The following GSTCD variants were observed in gnomAD, a reference collection of about 807,000 sequenced individuals.
GSTCD encodes the protein glutathione S-transferase C-terminal domain containing.
In GSTCD, 44 loss-of-function variants were observed where a neutral mutation model predicts 68.3. That is an observed-to-expected ratio of 0.64 (90% CI 0.51 to 0.83). The LOEUF is 0.83. Among genes scored for constraint, GSTCD ranks in the 40% least tolerant of loss-of-function variants. The probability of loss-of-function intolerance (pLI) is 0.00; values close to 1 mark genes in which losing one functional copy is unlikely to be tolerated. For synonymous variants in GSTCD, 273 were observed against 255.2 expected, an observed-to-expected ratio of 1.07 and a Z score of -0.67; for missense variants, 739 against 735.9, an observed-to-expected ratio of 1.00 and a Z score of -0.05.
chr4:105,758,274 AT>A (rs1250253243), intron 5 of GSTCD, among the ~76,000 whole-genome samples: 1 of 152,134 alleles, frequency 6.6e-6, no homozygotes, highest in East Asian at 1.9e-4. Context: ...ACTTTTGGTT[AT>A]TCCCCGTGAT....
chr4:105,770,054 C>G (rs1017626347), intron 5 of GSTCD, among the ~76,000 whole-genome samples: 1 of 152,166 alleles, frequency 6.6e-6, no homozygotes, highest in African/African-American at 2.4e-5. Flanking sequence ...CCACCACACC[C>G]GGCCCAGATT....
chr4:105,835,928 G>A (rs1186779857), intron 9 of GSTCD, among the ~76,000 whole-genome samples: 1 of 152,154 alleles, frequency 6.6e-6, no homozygotes, highest in Non-Finnish European at 1.5e-5. Context: ...GACCCACAGA[G>A]GGTAGCTTCT....
At chr4:105,800,753 C>G (rs762912790) in intron 5 of GSTCD, among the ~76,000 whole-genome samples, 11 of 152,136 alleles carry the variant, frequency 7.2e-5, no homozygotes, top group Non-Finnish European at 1.3e-4. Context: ...TATGAAGTCA[C>G]TACAAACACT....
At chr4:105,809,383 G>A (rs144027570) in intron 5 of GSTCD, among the ~76,000 whole-genome samples, 39 of 152,054 alleles carry the variant, frequency 2.6e-4, no homozygotes, top group African/African-American at 8.9e-4. Flanking sequence ...CTGTATACTT[G>A]TTATTCTCTT....
chr4:105,724,817 C>A (rs1732977438), intron 3 of GSTCD, among the ~76,000 whole-genome samples: 2 of 151,980 alleles, frequency 1.3e-5, no homozygotes, highest in Admixed American at 6.6e-5. Flanking sequence ...TATTTTAATT[C>A]TTTCCCCATT....
chr4:105,750,908 G>A (rs1733989591), intron 5 of GSTCD, among the ~76,000 whole-genome samples: 1 of 152,178 alleles, frequency 6.6e-6, no homozygotes, highest in Non-Finnish European at 1.5e-5. Context: ...TATACTGTAT[G>A]TTTGCCTTTA....
intron 11 of GSTCD, among the ~76,000 whole-genome samples, chr4:105,845,229 C>T (rs1344571475): frequency 1.3e-5 from 2 of 152,164 alleles, no homozygotes; most frequent in African/African-American, 4.8e-5. Context: ...AAATTATTAG[C>T]AGAGGCAAAT....
intron 5 of GSTCD, among the ~76,000 whole-genome samples, chr4:105,781,937 C>T (rs990625150): frequency 7.3e-5 from 11 of 151,508 alleles, no homozygotes; most frequent in African/African-American, 2.7e-4. Flanking sequence ...TGGGGTAGTT[C>T]GTATTTTGAA....
chr4:105,820,707 G>A (rs771421930), intron 5 of GSTCD: 1 of 151,810 alleles, frequency 6.6e-6, no homozygotes, highest in Non-Finnish European at 1.5e-5. Context: ...ATTATGTGCA[G>A]CGTATGGTCT....
At chr4:105,713,850 A>G (rs1732608828) in intron 1 of GSTCD, among the ~76,000 whole-genome samples, 4 of 151,562 alleles carry the variant, frequency 2.6e-5, no homozygotes, top group Admixed American at 2.6e-4. Context: ...TATCTAATAT[A>G]TAATGTTATG....
intron 5 of GSTCD, among the ~76,000 whole-genome samples, chr4:105,782,401 AG>A (rs1735309330): frequency 6.6e-6 from 1 of 152,114 alleles, no homozygotes; most frequent in African/African-American, 2.4e-5. Context: ...CTGAGGCAGA[AG>A]GATCTGTTGA....
At chr4:105,815,024 A>G (rs1040405521) in intron 5 of GSTCD, 5 of 152,198 alleles carry the variant, frequency 3.3e-5, no homozygotes, top group African/African-American at 4.8e-5. Context: ...ATTGAGCACT[A>G]TCTCATGTAT....
intron 5 of GSTCD, among the ~76,000 whole-genome samples, chr4:105,766,887 C>CTTGTTTTTTTTTTTTTT (rs1734629420): frequency 1.8e-5 from 1 of 57,136 alleles, no homozygotes; most frequent in Admixed American, 2.3e-4. Flanking sequence ...GTTTTTGACT[C>CTTGTTTTTTTTTTTTTT]TTTTTTTTTT....
Position 105,845,466 on chromosome 4 carries a change from T to G in GSTCD, c.1791T>G (p.Asp597Glu), listed in dbSNP as rs753893267. 1.9e-6 allele frequency: 3 copies of G among 1,614,150 alleles called. No individual in the cohort carries two copies. The highest frequency in any genetic ancestry group is 2.5e-6 in the Non-Finnish European group (3 of 1,180,016). ...LIGKQCMCLV[D>E]LDRARAAEEC... Reference sequence around the variant, plus strand: ...GAAAACAGTGCATGTGCTTGGTGGATCTGGATCGAGCAAGAGCTGCAGAAG... The same window carrying G: ...GAAAACAGTGCATGTGCTTGGTGGAGCTGGATCGAGCAAGAGCTGCAGAAG... Residue 597 changes from aspartate to glutamate, a missense_variant, in exon 12 of 12, where the codon GAT becomes GAG. Transcript: ENST00000515279.
At chr4:105,710,997 A>G (rs973838927) in intron 1 of GSTCD, 14 of 152,180 alleles carry the variant, frequency 9.2e-5, no homozygotes, top group Non-Finnish European at 1.6e-4. Context: ...AGCTTGAAAA[A>G]ATCTCAGTGT....
At chr4:105,808,908 A>G (rs1226775932) in intron 5 of GSTCD, among the ~76,000 whole-genome samples, 1 of 152,076 alleles carries the variant, frequency 6.6e-6, no homozygotes, top group Non-Finnish European at 1.5e-5. Flanking sequence ...AGCTATCTTG[A>G]TGATCAGATC....
chr4:105,774,241 G>A (rs1167202950), intron 5 of GSTCD, among the ~76,000 whole-genome samples: 1 of 152,122 alleles, frequency 6.6e-6, no homozygotes, highest in Non-Finnish European at 1.5e-5. Flanking sequence ...TTGAGCCTAT[G>A]TATGTCTTTG....
intron 5 of GSTCD, among the ~76,000 whole-genome samples, chr4:105,763,496 C>G (rs1233422031): frequency 6.6e-6 from 1 of 152,130 alleles, no homozygotes; most frequent in Non-Finnish European, 1.5e-5. Context: ...CACAAGGTCC[C>G]ACAACTAGTA....
At chr4:105,740,855 C>A (rs768216872) in intron 5 of GSTCD, among the ~76,000 whole-genome samples, 1 of 152,078 alleles carries the variant, frequency 6.6e-6, no homozygotes, top group Non-Finnish European at 1.5e-5. Context: ...TCAGGGCAGC[C>A]ATAGTGTCAG....
Sources: allele counts gnomAD v4.1 joint callset (sites outside exome capture counted in the v4.1 genomes callset), GRCh38; gene constraint gnomAD v4.1.1; transcripts MANE v1.5; gene names NCBI Gene and HGNC (gene_info 2026-07-23, HGNC 2026-07-21).